RS1: variants seen among roughly 807,000 people sequenced by gnomAD.
The protein encoded by RS1 is retinoschisin.
A neutral mutation model predicts 20.8 loss-of-function variants in RS1; 2 were observed. The ratio of observed to expected loss-of-function variants is 0.10; its 90% CI spans 0.04 to 0.30. The LOEUF (loss-of-function observed/expected upper bound fraction) is 0.30, where lower values mean the gene tolerates loss of function less well. RS1 is among the 10% of genes least tolerant of loss of function. The pLI is 1.00. For missense variants in RS1, 151 were observed against 189.8 expected, an observed-to-expected ratio of 0.80 and a Z score of 1.20; for synonymous variants, 70 against 75.8, an observed-to-expected ratio of 0.92 and a Z score of 0.40.
chrX:18,658,616 TG>T (rs1433971478), intron 1 of RS1, among the ~76,000 whole-genome samples: 2 of 63,463 alleles, frequency 3.2e-5, no homozygotes, highest in Non-Finnish European at 8.4e-5. Flanking sequence ...CCACCACACC[TG>T]GCTAATTTTT....
chrX:18,657,286 TC>T (rs1928234845), intron 2 of RS1, among the ~76,000 whole-genome samples: 2 of 96,796 alleles, frequency 2.1e-5, no homozygotes, highest in South Asian at 1.1e-3. Flanking sequence ...AGTGGTGTGA[TC>T]TCAGCTCACT....
At chrX:18,659,875 T>C (rs1201393862) in intron 1 of RS1, among the ~76,000 whole-genome samples, 1 of 111,896 alleles carries the variant, frequency 8.9e-6, no homozygotes, top group Non-Finnish European at 1.9e-5. Flanking sequence ...AAGGTCAGTC[T>C]AATCTTCTCC....
intron 3 of RS1, among the ~76,000 whole-genome samples, chrX:18,654,491 A>G (rs1302588140): frequency 8.9e-6 from 1 of 112,439 alleles, no homozygotes; most frequent in Non-Finnish European, 1.9e-5. Context: ...TCTCTAGTGA[A>G]AAGAACATTC....
At chrX:18,653,962 C>T (rs1346940775) in intron 3 of RS1, among the ~76,000 whole-genome samples, 2 of 106,664 alleles carry the variant, frequency 1.9e-5, no homozygotes, top group African/African-American at 3.4e-5. Flanking sequence ...AGTGAGATTC[C>T]GTCTCAAAAA....
At chrX:18,648,010 C>T (rs376968084) in intron 3 of RS1, among the ~76,000 whole-genome samples, 1 of 111,418 alleles carries the variant, frequency 9.0e-6, no homozygotes, top group South Asian at 3.8e-4. Flanking sequence ...ATTGTCTCCC[C>T]CTTCCTCTCG....
Position 18,647,182 on chromosome X carries a change from C to A in RS1, c.326+9G>T. 1 of 1,210,653 alleles carries A rather than the reference C, an allele frequency of 8.3e-7. No homozygotes were observed. Among genetic ancestry groups the A allele is most frequent in the Non-Finnish European group, 1.1e-6 (1 of 895,253 alleles). Reference sequence around the variant, plus strand: ...AGCACATGAAAAAAAATCCCCGGGCCCTGCTTACCCAAAGCCTTGACTGTT... The same window carrying A: ...AGCACATGAAAAAAAATCCCCGGGCACTGCTTACCCAAAGCCTTGACTGTT... On this transcript the variant is annotated intron_variant, in intron 4 of 5. Transcript: ENST00000379984.
Position 18,641,942 on chromosome X carries a change from G to A in RS1, c.*62C>T. 1 of 1,139,447 alleles carries A rather than the reference G, an allele frequency of 8.8e-7. No individual in the cohort carries two copies. Among genetic ancestry groups the A allele is most frequent in the Admixed American group, 2.3e-5 (1 of 43,213 alleles). 93.9% of individuals were successfully genotyped at this position (1,139,447 alleles called of 1,213,427 possible). ...CTGTCCATCTCGGTGGTGTGTGAGG[G>A]GGTCCCCTACGGCCCGCTCTGTGCC... is the stretch of plus-strand genomic sequence containing the variant. On this transcript the variant is annotated 3_prime_UTR_variant, in exon 6 of 6. Transcript: ENST00000379984.
intron 1 of RS1, among the ~76,000 whole-genome samples, chrX:18,664,205 C>T (rs139598120): frequency 1.4e-3 from 158 of 112,477 alleles, no homozygotes; most frequent in African/African-American, 4.9e-3. Context: ...GGTATGTTTA[C>T]ACAATGGAAC....
Position 18,640,972 on chromosome X carries a change from G to C in RS1, c.*1032C>G, listed in dbSNP as rs1001788878. Reference sequence around the variant, plus strand: ...AGCTTTTCAGGAGCAGGCGCAGTTTGCGTATTGCAAGGCAGAGGGTGGAGG... The same window carrying C: ...AGCTTTTCAGGAGCAGGCGCAGTTTCCGTATTGCAAGGCAGAGGGTGGAGG... On this transcript the variant is annotated 3_prime_UTR_variant, in exon 6 of 6. Coordinates refer to ENST00000379984, the MANE Select transcript of RS1 (RefSeq NM_000330.4). 1 of 113,010 alleles carries C rather than the reference G, an allele frequency of 8.8e-6. No homozygotes were observed. The highest frequency in any genetic ancestry group is 3.6e-4 in the South Asian group (1 of 2,760). 9.3% of individuals were successfully genotyped at this position (113,010 alleles called of 1,213,427 possible).
chrX:18,653,448 G>A lies in RS1; in HGVS notation c.184+3205C>T, dbSNP rs763292733. 4 of 1,209,553 alleles carry A rather than the reference G, an allele frequency of 3.3e-6. No homozygotes were observed. Among genetic ancestry groups the A allele is most frequent in the African/African-American group, 1.8e-5 (1 of 57,087 alleles). ...GCTTTCCAGGGTTCTCTTTCTTCGT[G>A]AGACACGTTATGAGGGAAGCCCTGA... On this transcript the variant is annotated intron_variant, in intron 3 of 5. Transcript: ENST00000379984.
intron 5 of RS1, 86 bp downstream of exon 5, chrX:18,644,344 C>CAG (rs1927688838): frequency 3.5e-6 from 3 of 848,327 alleles, no homozygotes; most frequent in Non-Finnish European, 5.3e-6. Context: ...GGTGCTCTGA[C>CAG]AGAGGGCAGT....
Position 18,660,981 on chromosome X carries a change from C to G in RS1, c.53-3316G>C, listed in dbSNP as rs150160178. Among the ~76,000 whole-genome samples, 618 of 112,108 alleles carry G rather than the reference C, an allele frequency of 5.5e-3. 2 individuals carry two copies. Among genetic ancestry groups the G allele is most frequent in the African/African-American group, 0.018 (570 of 30,879 alleles). On this transcript the variant is annotated intron_variant, in intron 1 of 5. Transcript: ENST00000379984. Reference sequence around the variant, plus strand: ...ACCTGCAGCCACCACACTGCTGTCTCTCCTGGGCCCTTGTTCCACTGGTTA... The same window carrying G: ...ACCTGCAGCCACCACACTGCTGTCTGTCCTGGGCCCTTGTTCCACTGGTTA...
intron 4 of RS1, chrX:18,645,895 A>G (rs1252083321): frequency 3.4e-6 from 4 of 1,161,368 alleles, no homozygotes; most frequent in Non-Finnish European, 4.6e-6. Context: ...GGGCCCCCTA[A>G]CCAAACTCTG....
rs1422794000 is a variant in RS1 at position 18,656,673 on chromosome X, G to T, written c.164C>A (p.Thr55Asn). 11 of 1,208,703 alleles carry T rather than the reference G, an allele frequency of 9.1e-6. No individual in the cohort carries two copies. The highest frequency in any genetic ancestry group is 1.1e-5 in the Non-Finnish European group (10 of 892,899). ...CTCACCTGGTATACAGTCCAAGGAG[G>T]TGGCACCTGCAGACCACAGAGCATT... ...GPNALWSAGA[T>N]SLDCIPECPY... The change falls in exon 3 of 6, where the codon ACC becomes AAC. Residue 55 changes from threonine to asparagine, a missense_variant. Physicochemically the swap from Thr to Asn is moderately conservative, Grantham distance 65. Coordinates refer to ENST00000379984, the MANE Select transcript of RS1 (RefSeq NM_000330.4).
chrX:18,659,130 T>A (rs1353780207), intron 1 of RS1, among the ~76,000 whole-genome samples: 1 of 111,713 alleles, frequency 9.0e-6, no homozygotes, highest in Non-Finnish European at 1.9e-5. Flanking sequence ...GTTTAAAGCT[T>A]CACAGTCCAA....
At chrX:18,655,713 C>T (rs1341507109) in intron 3 of RS1, among the ~76,000 whole-genome samples, 3 of 111,435 alleles carry the variant, frequency 2.7e-5, no homozygotes, top group African/African-American at 6.5e-5. Flanking sequence ...GGCCTGCTCA[C>T]CTTGGCTGTA....
In RS1 at chrX:18,644,334, G is replaced by A. The variant is rs911199580; in HGVS notation, c.522+96C>T. On this transcript the variant is annotated intron_variant, in intron 5 of 5. Transcript: ENST00000379984. Reference sequence around the variant, plus strand: ...AGATGATCCACTGTGCTGTGGAGTCGGTGCTCTGACAGAGGGCAGTGACAG... The same window carrying A: ...AGATGATCCACTGTGCTGTGGAGTCAGTGCTCTGACAGAGGGCAGTGACAG... 23 of 749,331 alleles carry A rather than the reference G, an allele frequency of 3.1e-5. No individual in the cohort carries two copies. The South Asian group carries it at 4.2e-4, about 14-fold the overall frequency. 61.8% of individuals were successfully genotyped at this position (749,331 alleles called of 1,213,427 possible).
At position 18,656,636 on chromosome X, in the gene RS1, G is replaced by A. The variant is rs1928219456; in HGVS notation, c.184+17C>T. ...GTTCCCAATGACTGTTCCATCCCAA[G>A]GACAGGGGATACTCACCTGGTATAC... is the stretch of plus-strand genomic sequence containing the variant. On this transcript the variant is annotated intron_variant, in intron 3 of 5. Transcript: ENST00000379984. 1.7e-6 allele frequency: 2 copies of A among 1,148,730 alleles called. No individual in the cohort carries two copies. Among genetic ancestry groups the A allele is most frequent in the Non-Finnish European group, 1.2e-6 (1 of 839,489 alleles). 94.7% of individuals were successfully genotyped at this position (1,148,730 alleles called of 1,213,427 possible).
chrX:18,658,476 A>T (rs2147203896), intron 1 of RS1, among the ~76,000 whole-genome samples: 1 of 108,954 alleles, frequency 9.2e-6, no homozygotes, highest in South Asian at 4.0e-4. Flanking sequence ...CTTTTTTGAG[A>T]TGGAGTTTCA....
Sources: allele counts gnomAD v4.1 joint callset (sites outside exome capture counted in the v4.1 genomes callset), GRCh38; gene constraint gnomAD v4.1.1; transcripts MANE v1.5; gene names NCBI Gene and HGNC (gene_info 2026-07-23, HGNC 2026-07-21).